ADGRL2: variants seen among roughly 807,000 people sequenced by gnomAD.
ADGRL2 encodes the protein adhesion G protein-coupled receptor L2, also known as calcium-independent alpha-latrotoxin receptor 2.
In ADGRL2, 44 loss-of-function variants were observed where a neutral mutation model predicts 157.4. The observed-to-expected ratio is 0.28, with a 90% CI of 0.22 to 0.36. ADGRL2 has a LOEUF of 0.36. Ranked by LOEUF, ADGRL2 falls within the 10% of genes least tolerant of loss-of-function variation. The pLI, the probability that ADGRL2 is intolerant of heterozygous loss-of-function variation, is 1.00. For missense variants in ADGRL2, 1,510 were observed against 1,768.9 expected (o/e 0.85, Z 2.63); for synonymous variants, 585 against 624.7 (o/e 0.94, Z 0.95).
chr1:81,766,521 A>T (rs1571134372), intron 2 of ADGRL2, among the ~76,000 whole-genome samples: 1 of 152,310 alleles, frequency 6.6e-6, no homozygotes, highest in East Asian at 1.9e-4. Context: ...AAAAAATAAA[A>T]TTTCTAATAC....
At chr1:81,585,141 G>A (rs149313048) in intron 3 of ADGRL2, among the ~76,000 whole-genome samples, 3 of 152,220 alleles carry the variant, frequency 2.0e-5, no homozygotes, top group Admixed American at 1.3e-4. Flanking sequence ...TCCCACTATT[G>A]TTATTGCTAC....
intron 2 of ADGRL2, among the ~76,000 whole-genome samples, chr1:81,868,306 C>A (rs2150952612): frequency 6.6e-6 from 1 of 152,146 alleles, no homozygotes; most frequent in East Asian, 1.9e-4. Flanking sequence ...AAGGTGGTTG[C>A]TTTGTGTGGT....
chr1:81,561,250 A>G (rs2080432979), intron 2 of ADGRL2, among the ~76,000 whole-genome samples: 1 of 151,824 alleles, frequency 6.6e-6, no homozygotes, highest in Non-Finnish European at 1.5e-5. Flanking sequence ...GCCCTCCCCC[A>G]CTAGAATTTA....
At chr1:81,807,274 A>T (rs1234229559) in intron 1 of ADGRL2, among the ~76,000 whole-genome samples, 1 of 151,962 alleles carries the variant, frequency 6.6e-6, no homozygotes, top group African/African-American at 2.4e-5. Flanking sequence ...TTTAACAAAG[A>T]TTAGAATATT....
intron 2 of ADGRL2, among the ~76,000 whole-genome samples, chr1:81,878,191 G>A (rs1431690601): frequency 6.6e-6 from 1 of 151,988 alleles, no homozygotes; most frequent in African/African-American, 2.4e-5. Flanking sequence ...CTTCCCTCAG[G>A]CACAAGAAGA....
chr1:81,645,396 C>CAA (rs374061248), intron 3 of ADGRL2, among the ~76,000 whole-genome samples: 2,576 of 93,988 alleles, frequency 0.027, 54 homozygotes, highest in East Asian at 0.05. Context: ...GATCCTGTCT[C>CAA]AAAAAAAAAA....
intron 1 of ADGRL2, among the ~76,000 whole-genome samples, chr1:81,331,383 T>C (rs1661255447): frequency 1.3e-5 from 2 of 152,108 alleles, no homozygotes; most frequent in Non-Finnish European, 2.9e-5. Flanking sequence ...GTATGTTACG[T>C]TTACTTTGTA....
intron 1 of ADGRL2, among the ~76,000 whole-genome samples, chr1:81,324,847 G>C (rs1660783257): frequency 6.6e-6 from 1 of 151,966 alleles, no homozygotes. Context: ...CTCCCAGGTA[G>C]CTGGGATTGC....
chr1:81,881,941 G>A (rs758496634), intron 2 of ADGRL2, among the ~76,000 whole-genome samples: 1 of 152,062 alleles, frequency 6.6e-6, no homozygotes, highest in African/African-American at 2.4e-5. Context: ...TTCACTGAGT[G>A]TGAAAATTGC....
intron 3 of ADGRL2, among the ~76,000 whole-genome samples, chr1:81,919,226 T>C (rs1178666555): frequency 6.6e-6 from 1 of 152,150 alleles, no homozygotes; most frequent in Non-Finnish European, 1.5e-5. Flanking sequence ...GTTTATAAAC[T>C]AAAACATTTA....
upstream of ADGRL2, among the ~76,000 whole-genome samples, chr1:81,799,074 A>G (rs184568174): frequency 0.012 from 1,816 of 152,316 alleles, 19 homozygotes; most frequent in Middle Eastern, 0.024. Context: ...ATTACCTCTG[A>G]GGTCTGAGAA....
chr1:81,557,609 CA>C (rs2080340068), intron 2 of ADGRL2: 1 of 152,288 alleles, frequency 6.6e-6, no homozygotes, highest in African/African-American at 2.4e-5. Flanking sequence ...CTACACTGAG[CA>C]ATAACAGTTT....
chr1:81,541,898 C>T (rs1300152627), intron 2 of ADGRL2, among the ~76,000 whole-genome samples: 2 of 151,930 alleles, frequency 1.3e-5, no homozygotes, highest in African/African-American at 2.4e-5. Context: ...GTGGAGTTTG[C>T]GGTGAGCCGA....
chr1:81,549,029 C>G (rs1455789781), intron 2 of ADGRL2, among the ~76,000 whole-genome samples: 1 of 152,218 alleles, frequency 6.6e-6, no homozygotes, highest in Middle Eastern at 3.2e-3. Flanking sequence ...AGGCAACTTT[C>G]AAGTAAATCA....
intron 3 of ADGRL2, among the ~76,000 whole-genome samples, chr1:81,674,615 A>T (rs1557555986): frequency 6.6e-6 from 1 of 152,252 alleles, no homozygotes; most frequent in Non-Finnish European, 1.5e-5. Context: ...GCAAAGACTT[A>T]GTCACTAAAT....
intron 2 of ADGRL2, among the ~76,000 whole-genome samples, chr1:81,494,286 G>A (rs895018751): frequency 1.3e-5 from 2 of 152,212 alleles, no homozygotes; most frequent in South Asian, 4.1e-4. Flanking sequence ...ACAAGATAAT[G>A]TGTCCCATTT....
At chr1:81,640,476 C>A (rs1316814368) in intron 3 of ADGRL2, among the ~76,000 whole-genome samples, 3 of 151,546 alleles carry the variant, frequency 2.0e-5, no homozygotes, top group Non-Finnish European at 2.9e-5. Context: ...TACTAAAATT[C>A]AAAAAATTAG....
At chr1:81,940,861 A>G (rs953844682) in intron 4 of ADGRL2, among the ~76,000 whole-genome samples, 1 of 151,488 alleles carries the variant, frequency 6.6e-6, no homozygotes, top group African/African-American at 2.4e-5. Flanking sequence ...AAGTATTAGA[A>G]TACGGTTTAC....
chr1:81,861,493 A>G (rs1321064024), intron 2 of ADGRL2, among the ~76,000 whole-genome samples: 1 of 152,228 alleles, frequency 6.6e-6, no homozygotes, highest in Non-Finnish European at 1.5e-5. Context: ...GTTTGACTAA[A>G]GGTGTTACCG....
Sources: gnomAD v4.1 joint callset for allele counts (sites outside exome capture counted in the v4.1 genomes callset) on GRCh38, gnomAD v4.1.1 for gene constraint, MANE v1.5 for transcripts, NCBI Gene and HGNC (gene_info 2026-07-23, HGNC 2026-07-21) for gene names.